Variants in EML4 observed in about 807,000 individuals in gnomAD.
EML4 encodes the protein echinoderm microtubule-associated protein-like 4.
A neutral mutation model predicts 129.0 loss-of-function variants in EML4; 72 were observed. That is an observed-to-expected ratio of 0.56 (90% CI 0.46 to 0.68). The LOEUF (loss-of-function observed/expected upper bound fraction) is 0.68. EML4 is among the 30% of genes least tolerant of loss of function. The probability of loss-of-function intolerance (pLI) is 0.00; values close to 1 mark genes in which losing one functional copy is unlikely to be tolerated. For synonymous variants in EML4, 532 were observed against 405.0 expected (o/e 1.31, Z -3.77); for missense variants, 1,363 against 1,190.6 (o/e 1.14, Z -2.13).
At chr2:42,290,052 A>C (rs1667540447) in intron 11 of EML4, 1 of 152,102 alleles carries the variant, frequency 6.6e-6, no homozygotes, top group South Asian at 2.1e-4. Flanking sequence ...ACGCCATTGC[A>C]CTCCAGCCTG....
At chr2:42,217,987 T>C (rs1272127312) in intron 1 of EML4, among the ~76,000 whole-genome samples, 2 of 152,132 alleles carry the variant, frequency 1.3e-5, no homozygotes, top group Non-Finnish European at 2.9e-5. Context: ...CCTAGAAGTT[T>C]GTGTAGTCTG....
At chr2:42,219,940 A>T (rs1327875382) in intron 1 of EML4, among the ~76,000 whole-genome samples, 2 of 143,864 alleles carry the variant, frequency 1.4e-5, no homozygotes, top group Non-Finnish European at 3.1e-5. Context: ...AAAAAAAAAA[A>T]GGAAAACTCT....
At chr2:42,291,892 C>T (rs775159257) in intron 11 of EML4, among the ~76,000 whole-genome samples, 1 of 152,266 alleles carries the variant, frequency 6.6e-6, no homozygotes, top group South Asian at 2.1e-4. Context: ...TAAAGGTACA[C>T]AACCTCATTA....
rs1467753952 is a variant in EML4 at position 42,295,486 on chromosome 2, G to A, written c.1459G>A (p.Val487Ile). Residue 487 changes from valine (V) to isoleucine (I), a missense_variant, in exon 13 of 23, where the codon GTA becomes ATA. By Grantham distance (29) the Val-to-Ile change is conservative. Transcript: ENST00000318522. Reference protein sequence around the residue: ...GVMLIWSKTTVEPTPGKGPKG... With the variant: ...GVMLIWSKTTIEPTPGKGPKG... ...CATGCTTATATGGAGCAAAACTACT[G>A]TAGAGCCCACACCTGGGAAAGGACC... 6.2e-6 allele frequency: 10 copies of A among 1,613,696 alleles called. No individual in the cohort carries two copies. Among genetic ancestry groups the A allele is most frequent in the Admixed American group, 1.7e-5 (1 of 59,970 alleles).
At position 42,304,644 on chromosome 2, in the gene EML4, C is replaced by T. The variant is rs774659427; in HGVS notation, c.1967+93C>T. ...TCAATCTGATCTGGAGAATTAATCT[C>T]TTAAGTGGCACACTAATATGCTTGT... On this transcript the variant is annotated intron_variant, in intron 17 of 22. Coordinates refer to ENST00000318522, the MANE Select transcript of EML4 (RefSeq NM_019063.5). The T allele has an allele frequency of 9.6e-6, 9 of 941,074 alleles. No homozygotes were observed. In the Admixed American group the frequency reaches 1.6e-4, roughly 17 times the overall value. 58.3% of individuals were successfully genotyped at this position (941,074 alleles called of 1,614,324 possible). A position where few individuals can be genotyped will look rare whatever the true frequency, so the allele number is the denominator to read the frequency against.
chr2:42,220,858 C>T (rs1049308796), intron 1 of EML4, among the ~76,000 whole-genome samples: 4 of 152,154 alleles, frequency 2.6e-5, no homozygotes, highest in African/African-American at 4.8e-5. Context: ...TTTGCATGTT[C>T]TGAATATAAA....
At chr2:42,218,480 G>A (rs1047949799) in intron 1 of EML4, among the ~76,000 whole-genome samples, 2 of 152,116 alleles carry the variant, frequency 1.3e-5, no homozygotes, top group Admixed American at 6.6e-5. Context: ...TGCCTTCCAC[G>A]AAACCTGTCC....
At chr2:42,297,649 C>T (rs1668034196) in intron 13 of EML4, among the ~76,000 whole-genome samples, 1 of 152,084 alleles carries the variant, frequency 6.6e-6, no homozygotes, top group Non-Finnish European at 1.5e-5. Flanking sequence ...GAGTAAGTGT[C>T]CACAGTTTCC....
At chr2:42,229,520 A>AAGACAGTTAT (rs371338696) in intron 1 of EML4, among the ~76,000 whole-genome samples, 84 of 152,302 alleles carry the variant, frequency 5.5e-4, no homozygotes, top group African/African-American at 1.9e-3. Context: ...TTCATAAAGC[A>AAGACAGTTAT]AGACAGATAA....
At chr2:42,202,100 G>A (rs907725487) in intron 1 of EML4, among the ~76,000 whole-genome samples, 4 of 151,492 alleles carry the variant, frequency 2.6e-5, no homozygotes, top group South Asian at 2.1e-4. Context: ...AAAAAAAGAA[G>A]TAGAAAGTAG....
At chr2:42,262,684 A>C (rs1380019077) in intron 4 of EML4, among the ~76,000 whole-genome samples, 1 of 152,194 alleles carries the variant, frequency 6.6e-6, no homozygotes, top group Admixed American at 6.5e-5. Flanking sequence ...AGTCTTGTTT[A>C]TTTCTGATCA....
Position 42,285,987 on chromosome 2 carries a change from A to G in EML4, c.1012-282A>G. On this transcript the variant is annotated intron_variant, in intron 9 of 22. Coordinates refer to ENST00000318522, the MANE Select transcript of EML4 (RefSeq NM_019063.5). ...CTTCATCTGTTAAATGATAATTATA[A>G]TAGTGTACCTGTAGTGCATAGGATT... The G allele has an allele frequency of 1.2e-5, 5 of 407,908 alleles. No homozygotes were observed. The South Asian group carries it at 2.0e-4, about 16-fold the overall frequency. The allele number at this position is 407,908 out of a possible 1,614,324, so 25.3% of individuals were successfully genotyped here.
At chr2:42,282,165 A>C (rs1667047833) in intron 7 of EML4, among the ~76,000 whole-genome samples, 1 of 145,458 alleles carries the variant, frequency 6.9e-6, no homozygotes, top group African/African-American at 2.6e-5. Flanking sequence ...ACGATTTGTA[A>C]TTTTATATTT....
chr2:42,204,538 A>ATT (rs1300565940), intron 1 of EML4, among the ~76,000 whole-genome samples: 8 of 152,200 alleles, frequency 5.3e-5, no homozygotes, highest in African/African-American at 1.4e-4. Flanking sequence ...ACAAAATTTT[A>ATT]TTTATCAACA....
chr2:42,288,298 G>A lies in EML4; in HGVS notation c.1194G>A (p.Lys398=). 6.4e-7 allele frequency: 1 copy of A among 1,558,866 alleles called. No homozygotes were observed. Among genetic ancestry groups the A allele is most frequent in the Non-Finnish European group, 8.8e-7 (1 of 1,135,590 alleles). Reference sequence around the variant, plus strand: ...TGCTTACTGTATGGGACTGGCAGAAGAAAGCAAAAGGAGCAGAAATAAAGG... The same window carrying A: ...TGCTTACTGTATGGGACTGGCAGAAAAAAGCAAAAGGAGCAGAAATAAAGG... ...EHMLTVWDWQ[K]KAKGAEIKTT... The change falls in exon 11 of 23, where the codon AAG becomes AAA. Residue 398 remains lysine, a synonymous_variant. Transcript: ENST00000318522.
intron 1 of EML4, among the ~76,000 whole-genome samples, chr2:42,212,110 T>G (rs1672919681): frequency 6.6e-6 from 1 of 152,204 alleles, no homozygotes; most frequent in African/African-American, 2.4e-5. Flanking sequence ...CCCTCTAAAG[T>G]GTTGGGATTA....
intron 6 of EML4, among the ~76,000 whole-genome samples, chr2:42,276,090 G>T (rs563313832): frequency 1.3e-5 from 2 of 152,204 alleles, no homozygotes; most frequent in East Asian, 3.9e-4. Context: ...AATGACTGGG[G>T]AGAAAAGAGG....
intron 11 of EML4, among the ~76,000 whole-genome samples, chr2:42,290,822 T>C (rs1667599647): frequency 6.6e-6 from 1 of 152,160 alleles, no homozygotes; most frequent in Admixed American, 6.6e-5. Flanking sequence ...GGAGGGATGT[T>C]ACATAATCAT....
intron 1 of EML4, among the ~76,000 whole-genome samples, chr2:42,244,597 G>A (rs1020985996): frequency 6.6e-6 from 1 of 152,076 alleles, no homozygotes; most frequent in African/African-American, 2.4e-5. Context: ...TTTTAAGAGA[G>A]GTTGTGGTGT....
Sources: gnomAD v4.1 joint callset for allele counts (sites outside exome capture counted in the v4.1 genomes callset) on GRCh38, gnomAD v4.1.1 for gene constraint, MANE v1.5 for transcripts, NCBI Gene and HGNC (gene_info 2026-07-23, HGNC 2026-07-21) for gene names.